The following DLGAP2 variants were observed in gnomAD, a reference collection of about 807,000 sequenced individuals.
The protein encoded by DLGAP2 is DLG associated protein 2, also known as disks large-associated protein 2.
DLGAP2 carries 26 observed loss-of-function variants against 100.3 expected under a neutral mutation model. The observed-to-expected ratio is 0.26, with a 90% CI of 0.19 to 0.36. The LOEUF is 0.36. DLGAP2 is among the 10% of genes least tolerant of loss of function. DLGAP2 has a pLI of 1.00. For missense variants in DLGAP2, 1,858 were observed against 1,453.2 expected, an observed-to-expected ratio of 1.28 and a Z score of -4.53; for synonymous variants, 886 against 630.1, an observed-to-expected ratio of 1.41 and a Z score of -6.08.
At chr8:848,733 C>T (rs1156795996) in intron 1 of DLGAP2, among the ~76,000 whole-genome samples, 1 of 81,736 alleles carries the variant, frequency 1.2e-5, no homozygotes, top group African/African-American at 5.2e-5. Flanking sequence ...TAGGGTCGTG[C>T]GGTGCGTGTT....
rs145069342 is a variant in DLGAP2, at chr8:1,549,420, G to A, written c.967G>A (p.Val323Met). ...SVLNRHHLGPVAHCYPDALQS... is the reference protein window; with the variant it reads ...SVLNRHHLGPMAHCYPDALQS... ...GCTCAACCGGCACCACCTGGGCCCC[G>A]TGGCCCACTGCTACCCCGACGCGCT... Residue 323 changes from valine (V) to methionine (M), a missense_variant, in exon 5 of 15, where the codon GTG (valine) becomes ATG (methionine). Coordinates refer to ENST00000637795, the MANE Select transcript of DLGAP2 (RefSeq NM_001346810.2). The A allele has an allele frequency of 8.1e-6, 13 of 1,613,414 alleles. No individual in the cohort carries two copies. Among genetic ancestry groups the A allele is most frequent in the East Asian group, 6.7e-5 (3 of 44,862 alleles).
intron 1 of DLGAP2, among the ~76,000 whole-genome samples, chr8:799,119 T>C (rs1796096181): frequency 6.6e-6 from 1 of 152,184 alleles, no homozygotes; most frequent in South Asian, 2.1e-4. Context: ...GTGACTTCTT[T>C]TGGATGAAGC....
intron 3 of DLGAP2, among the ~76,000 whole-genome samples, chr8:1,477,185 G>A (rs749244411): frequency 6.6e-6 from 1 of 152,216 alleles, no homozygotes; most frequent in Non-Finnish European, 1.5e-5. Flanking sequence ...GGAAGTTGCG[G>A]GGGTGGATGC....
Position 1,536,029 on chromosome 8 carries a change from C to G in DLGAP2, c.173-12597C>G, listed in dbSNP as rs369620300. On this transcript the variant is annotated intron_variant, in intron 4 of 14. Transcript: ENST00000637795. ...CGGCTATAATGTAACAGTCATGACA[C>G]GTGAGTAGCATTAGCCCCAGTTTCT... is the stretch of plus-strand genomic sequence containing the variant. Among the ~76,000 whole-genome samples the G allele has an allele frequency of 3.1e-4, 47 of 152,288 alleles. No homozygotes were observed. The South Asian group carries it at 6.2e-3, about 20-fold the overall frequency.
At chr8:770,113 G>A (rs896814414) in intron 1 of DLGAP2, among the ~76,000 whole-genome samples, 1 of 152,152 alleles carries the variant, frequency 6.6e-6, no homozygotes, top group African/African-American at 2.4e-5. Flanking sequence ...CACAGGTTTT[G>A]TACGTTTTTA....
chr8:1,444,771 CTT>C (rs914045708), intron 3 of DLGAP2, among the ~76,000 whole-genome samples: 9,688 of 78,722 alleles, frequency 0.12, 155 homozygotes, highest in East Asian at 0.2. Flanking sequence ...CCAGGTCATT[CTT>C]TTTTTTTTTT....
chr8:1,180,359 G>C (rs907991156), intron 2 of DLGAP2, among the ~76,000 whole-genome samples: 1 of 152,194 alleles, frequency 6.6e-6, no homozygotes, highest in African/African-American at 2.4e-5. Flanking sequence ...GCACGCTTCT[G>C]ATTTCTTTGA....
chr8:1,381,587 C>T (rs1031258892), intron 3 of DLGAP2, among the ~76,000 whole-genome samples: 2 of 152,136 alleles, frequency 1.3e-5, no homozygotes, highest in Non-Finnish European at 2.9e-5. Flanking sequence ...GTTCCGCTTT[C>T]CCTGGGCCCT....
At chr8:1,133,356 A>G (rs1050847639) in intron 2 of DLGAP2, among the ~76,000 whole-genome samples, 24 of 152,192 alleles carry the variant, frequency 1.6e-4, no homozygotes, top group Non-Finnish European at 4.4e-5. Flanking sequence ...AAATAAATTC[A>G]TCTTTCTGTA....
intron 8 of DLGAP2, 43 bp downstream of exon 8, chr8:1,633,089 G>A: frequency 6.3e-7 from 1 of 1,599,320 alleles, no homozygotes; most frequent in Non-Finnish European, 8.6e-7. Flanking sequence ...GGACTCTAGA[G>A]GCATACCTGT....
At chr8:1,256,900 G>T (rs74428088) in intron 2 of DLGAP2, among the ~76,000 whole-genome samples, 4,104 of 152,216 alleles carry the variant, frequency 0.027, 156 homozygotes, top group African/African-American at 0.084. Context: ...CTTGTGAATG[G>T]TGGTGGCTGG....
chr8:1,274,048 A>G (rs1799634314), intron 3 of DLGAP2, among the ~76,000 whole-genome samples: 1 of 152,216 alleles, frequency 6.6e-6, no homozygotes, highest in South Asian at 2.1e-4. Flanking sequence ...TTGAGATAAA[A>G]TCATTAGAAT....
Position 1,707,759 on chromosome 8 carries a change from A to G in DLGAP2, c.*6353A>G, listed in dbSNP as rs917923213. The G allele has an allele frequency of 6.6e-6, 1 of 152,316 alleles. No individual in the cohort carries two copies. Among genetic ancestry groups the G allele is most frequent in the Non-Finnish European group, 1.5e-5 (1 of 68,030 alleles). The allele number at this position is 152,316 out of a possible 1,614,324, so 9.4% of individuals were successfully genotyped here. ...GTTAGAACCAGGAAACTAGCTGTTT[A>G]AAGTTTTAAAGAAGTATATAAATAT... On this transcript the variant is annotated 3_prime_UTR_variant, in exon 15 of 15. Coordinates refer to ENST00000637795, the MANE Select transcript of DLGAP2 (RefSeq NM_001346810.2).
chr8:1,494,585 C>T (rs1245425530), intron 3 of DLGAP2, among the ~76,000 whole-genome samples: 2 of 152,066 alleles, frequency 1.3e-5, no homozygotes, highest in Non-Finnish European at 2.9e-5. Flanking sequence ...AAAAATTAGC[C>T]GAGCGTGGTG....
chr8:1,539,747 G>T (rs1801294211), intron 4 of DLGAP2, among the ~76,000 whole-genome samples: 1 of 152,180 alleles, frequency 6.6e-6, no homozygotes, highest in Non-Finnish European at 1.5e-5. Flanking sequence ...TGCATGTCTA[G>T]CTGTGCTTGA....
At chr8:1,635,826 A>T (rs1797752536) in intron 8 of DLGAP2, among the ~76,000 whole-genome samples, 1 of 152,236 alleles carries the variant, frequency 6.6e-6, no homozygotes, top group Non-Finnish European at 1.5e-5. Context: ...TGTTTTAAAC[A>T]TGGACAGGTT....
chr8:1,150,712 A>G (rs1796683659), intron 2 of DLGAP2, among the ~76,000 whole-genome samples: 1 of 152,222 alleles, frequency 6.6e-6, no homozygotes, highest in Non-Finnish European at 1.5e-5. Context: ...TGAATATAAC[A>G]CTTTCTTCCA....
chr8:1,203,207 C>T lies in DLGAP2; in HGVS notation c.74-55644C>T, dbSNP rs370565498. Among the ~76,000 whole-genome samples the T allele has an allele frequency of 3.0e-4, 45 of 152,272 alleles. 2 individuals carry two copies. The South Asian group carries it at 7.9e-3, about 27-fold the overall frequency. On this transcript the variant is annotated intron_variant, in intron 2 of 14. Transcript: ENST00000637795. ...GTGTCCTGCACGAGGGGATTATAGACGTGTGTGTCCTGCAGCACCCACCCC... is the reference window on the plus strand; with the variant it reads ...GTGTCCTGCACGAGGGGATTATAGATGTGTGTGTCCTGCAGCACCCACCCC...
intron 3 of DLGAP2, among the ~76,000 whole-genome samples, chr8:1,320,038 G>A (rs1248005264): frequency 6.6e-6 from 1 of 152,104 alleles, no homozygotes; most frequent in Non-Finnish European, 1.5e-5. Context: ...AGGTGTTGCG[G>A]CCTCTGGGCC....
Sources: gnomAD v4.1 joint callset for allele counts (sites outside exome capture counted in the v4.1 genomes callset) on GRCh38, gnomAD v4.1.1 for gene constraint, MANE v1.5 for transcripts, NCBI Gene and HGNC (gene_info 2026-07-23, HGNC 2026-07-21) for gene names.